RUNX1T1: variants seen among roughly 807,000 people sequenced by gnomAD.
RUNX1T1 encodes the protein protein CBFA2T1.
Under a neutral mutation model 62.8 loss-of-function variants are expected in RUNX1T1, and 4 were observed. The ratio of observed to expected loss-of-function variants is 0.06; its 90% CI spans 0.03 to 0.15. RUNX1T1 has a LOEUF of 0.15. Ranked by LOEUF, RUNX1T1 falls within the 10% of genes least tolerant of loss-of-function variation. RUNX1T1 has a pLI of 1.00. For missense variants in RUNX1T1, 508 were observed against 754.3 expected, an observed-to-expected ratio of 0.67 and a Z score of 3.82; for synonymous variants, 291 against 286.0, an observed-to-expected ratio of 1.02 and a Z score of -0.18.
intron 1 of RUNX1T1, among the ~76,000 whole-genome samples, chr8:92,017,890 G>C (rs1319277711): frequency 6.6e-6 from 1 of 152,044 alleles, no homozygotes; most frequent in African/African-American, 2.4e-5. Context: ...GGCATATTTC[G>C]CATTTCAATT....
intron 8 of RUNX1T1, among the ~76,000 whole-genome samples, chr8:91,976,375 A>G (rs1813945555): frequency 6.6e-6 from 1 of 152,192 alleles, no homozygotes; most frequent in Non-Finnish European, 1.5e-5. Flanking sequence ...TGTTCAGGTA[A>G]TGTAATTTCC....
chr8:92,048,863 G>C (rs1349214251), intron 1 of RUNX1T1, among the ~76,000 whole-genome samples: 3 of 152,156 alleles, frequency 2.0e-5, no homozygotes, highest in East Asian at 1.9e-4. Context: ...ACAAGATAAT[G>C]GTCATTGTCC....
downstream of RUNX1T1, chr8:91,958,743 A>C (rs1049205361): frequency 7.5e-4 from 137 of 181,528 alleles, 1 homozygote; most frequent in East Asian, 0.011. Flanking sequence ...AAAAAAAAAA[A>C]AAAACAAAAA....
chr8:92,049,760 C>A (rs1011675558), intron 1 of RUNX1T1, among the ~76,000 whole-genome samples: 9 of 152,182 alleles, frequency 5.9e-5, no homozygotes, highest in African/African-American at 2.2e-4. Context: ...ATCCCCAACA[C>A]TATCTGCTCC....
At chr8:92,008,895 C>G (rs765007028) in intron 4 of RUNX1T1, among the ~76,000 whole-genome samples, 1 of 152,134 alleles carries the variant, frequency 6.6e-6, no homozygotes, top group African/African-American at 2.4e-5. Flanking sequence ...TCATTGATGT[C>G]TAAAAATTAA....
Position 92,047,966 on chromosome 8 carries a change from A to C in RUNX1T1, c.7+14580T>G, listed in dbSNP as rs1357292711. Among the ~76,000 whole-genome samples the C allele has an allele frequency of 3.3e-5, 5 of 152,314 alleles. No individual in the cohort carries two copies. In the East Asian group the frequency reaches 9.7e-4, roughly 29 times the overall value. ...GGATCTGAGCTTTGAGCAGCTGAGT[A>C]GTCCTTTAAGAAAAGTTCTCACATA... On this transcript the variant is annotated intron_variant, in intron 1 of 10. Transcript: ENST00000396218.
At chr8:92,054,622 CTG>C (rs1391776146) in intron 1 of RUNX1T1, among the ~76,000 whole-genome samples, 1 of 152,120 alleles carries the variant, frequency 6.6e-6, no homozygotes, top group Non-Finnish European at 1.5e-5. Context: ...TCTCGATGCT[CTG>C]TGTTTTTGAT....
chr8:92,048,760 T>C (rs186505049), intron 1 of RUNX1T1, among the ~76,000 whole-genome samples: 232 of 152,058 alleles, frequency 1.5e-3, no homozygotes, highest in African/African-American at 5.3e-3. Flanking sequence ...TTTCTATTAT[T>C]GGAATCTGAA....
intron 1 of RUNX1T1, among the ~76,000 whole-genome samples, chr8:92,061,931 A>G (rs947294754): frequency 6.6e-6 from 1 of 152,154 alleles, no homozygotes; most frequent in Non-Finnish European, 1.5e-5. Flanking sequence ...TCCAAAAATA[A>G]TATTTTTCAG....
intron 1 of RUNX1T1, among the ~76,000 whole-genome samples, chr8:92,022,846 G>A (rs1035245311): frequency 1.3e-5 from 2 of 152,150 alleles, no homozygotes; most frequent in African/African-American, 2.4e-5. Flanking sequence ...ACCTTCAGGA[G>A]AGTCCCATTG....
chr8:91,975,291 T>C (rs1401188256), intron 9 of RUNX1T1, among the ~76,000 whole-genome samples: 1 of 152,228 alleles, frequency 6.6e-6, no homozygotes, highest in African/African-American at 2.4e-5. Flanking sequence ...TAGAGCAGCA[T>C]CTTGTAATGG....
intron 1 of RUNX1T1, among the ~76,000 whole-genome samples, chr8:92,062,135 AT>A (rs573667397): frequency 5.3e-4 from 81 of 152,326 alleles, no homozygotes; most frequent in Middle Eastern, 3.4e-3. Flanking sequence ...AAGAGATCTT[AT>A]TCCAGGATTC....
downstream of RUNX1T1, chr8:91,956,549 A>C (rs942848343): frequency 2.3e-5 from 5 of 218,982 alleles, no homozygotes; most frequent in Admixed American, 2.3e-4. Flanking sequence ...CAATACCTGA[A>C]TCATACTTTA....
At chr8:92,064,698 T>A (rs1832603692), upstream of RUNX1T1, among the ~76,000 whole-genome samples, 1 of 152,174 alleles carries the variant, frequency 6.6e-6, no homozygotes, top group Admixed American at 6.5e-5. Flanking sequence ...TCAATATGCA[T>A]GGTGAATCAC....
chr8:92,030,446 G>C (rs912880730), intron 1 of RUNX1T1, among the ~76,000 whole-genome samples: 1 of 152,166 alleles, frequency 6.6e-6, no homozygotes, highest in Non-Finnish European at 1.5e-5. Context: ...ATATAGATTT[G>C]AAGGTACAGG....
intron 1 of RUNX1T1, chr8:92,062,464 C>A: frequency 2.1e-6 from 3 of 1,445,414 alleles, no homozygotes. Flanking sequence ...CGCTGTGGGG[C>A]AGAAGGTATT....
At chr8:91,966,901 G>A (rs1811748956) in intron 10 of RUNX1T1, among the ~76,000 whole-genome samples, 1 of 152,010 alleles carries the variant, frequency 6.6e-6, no homozygotes, top group Admixed American at 6.6e-5. Context: ...GTGAAAAATA[G>A]ATACAGTACA....
At chr8:92,006,582 T>A (rs1209226517) in intron 4 of RUNX1T1, 1 of 152,146 alleles carries the variant, frequency 6.6e-6, no homozygotes, top group Non-Finnish European at 1.5e-5. Context: ...ATTCATTTTT[T>A]TTTTCCTTCA....
intron 3 of RUNX1T1, among the ~76,000 whole-genome samples, chr8:92,011,489 G>A (rs1284757707): frequency 2.0e-5 from 3 of 152,190 alleles, no homozygotes; most frequent in Admixed American, 6.5e-5. Flanking sequence ...AGAATTCTCA[G>A]TCAAGATTTA....
Sources: gnomAD v4.1 joint callset for allele counts (sites outside exome capture counted in the v4.1 genomes callset) on GRCh38, gnomAD v4.1.1 for gene constraint, MANE v1.5 for transcripts, NCBI Gene and HGNC (gene_info 2026-07-23, HGNC 2026-07-21) for gene names.